NGEF: variants seen among roughly 807,000 people sequenced by gnomAD.
NGEF encodes ephexin-1.
In NGEF, 31 loss-of-function variants were observed where a neutral mutation model predicts 80.9. That is an observed-to-expected ratio of 0.38 (90% CI 0.29 to 0.52). The LOEUF (loss-of-function observed/expected upper bound fraction) is 0.52, where lower values mean the gene tolerates loss of function less well. Ranked by LOEUF, NGEF falls within the 20% of genes least tolerant of loss-of-function variation. The pLI, the probability that NGEF is intolerant of heterozygous loss-of-function variation, is 0.84. For synonymous variants in NGEF, 371 were observed against 370.2 expected (o/e 1.00, Z -0.03); for missense variants, 709 against 926.2 (o/e 0.77, Z 3.04).
chr2:233,006,007 G>C (rs1695076932), intron 1 of NGEF, among the ~76,000 whole-genome samples: 1 of 152,132 alleles, frequency 6.6e-6, no homozygotes, highest in Admixed American at 6.6e-5. Flanking sequence ...TGTAGAGACG[G>C]GGTTTTGTAG....
chr2:232,888,082 C>T lies in NGEF; in HGVS notation c.1298G>A (p.Arg433Lys), dbSNP rs1574988661. The change falls in exon 9 of 15, where the codon AGG becomes AAG. Residue 433 changes from arginine to lysine, a missense_variant. By Grantham distance (26) the Arg-to-Lys change is conservative. This residue lies in a region of NGEF where 426 missense variants were observed against 622.9 expected (regional missense o/e 0.68). Coordinates refer to ENST00000264051, the MANE Select transcript of NGEF (RefSeq NM_019850.3). ...VQNILKRVEERSERECTALDA... is the reference protein window; with the variant it reads ...VQNILKRVEEKSERECTALDA... ...CAAAGCAGTGCACTCCCGCTCAGACCTCTCTTCTACCCTCTTCAGGATGTT... is the reference window on the plus strand; with the variant it reads ...CAAAGCAGTGCACTCCCGCTCAGACTTCTCTTCTACCCTCTTCAGGATGTT... The T allele has an allele frequency of 6.2e-7, 1 of 1,611,768 alleles. No individual in the cohort carries two copies. The highest frequency in any genetic ancestry group is 2.2e-5 in the East Asian group (1 of 44,862).
chr2:233,004,718 C>G (rs1449857645), intron 1 of NGEF, among the ~76,000 whole-genome samples: 1 of 152,130 alleles, frequency 6.6e-6, no homozygotes, highest in Non-Finnish European at 1.5e-5. Flanking sequence ...ACCTTCCCTC[C>G]CCTTCCCCCT....
chr2:232,883,052 AAC>A (rs57854484), intron 12 of NGEF, among the ~76,000 whole-genome samples: 19,276 of 150,100 alleles, frequency 0.13, 1,504 homozygotes, highest in African/African-American at 0.22. Flanking sequence ...GCCCCAAGGG[AAC>A]ACACACACAC....
intron 1 of NGEF, among the ~76,000 whole-genome samples, chr2:233,006,803 G>A (rs150515851): frequency 1.3e-5 from 2 of 152,290 alleles, no homozygotes; most frequent in Admixed American, 1.3e-4. Flanking sequence ...AGGACATGGA[G>A]CATGGTGGGT....
intron 3 of NGEF, among the ~76,000 whole-genome samples, chr2:232,935,876 T>C (rs1417783889): frequency 6.6e-6 from 1 of 152,200 alleles, no homozygotes; most frequent in Non-Finnish European, 1.5e-5. Flanking sequence ...CAAATATATA[T>C]AGGAAATGTG....
At chr2:232,947,528 C>A (rs1471517833) in intron 3 of NGEF, among the ~76,000 whole-genome samples, 3 of 152,160 alleles carry the variant, frequency 2.0e-5, no homozygotes, top group Admixed American at 1.3e-4. Context: ...TTCACGAGAT[C>A]TGGTGATTTT....
At chr2:232,879,899 G>A (rs1412336032) in intron 14 of NGEF, among the ~76,000 whole-genome samples, 1 of 152,230 alleles carries the variant, frequency 6.6e-6, no homozygotes, top group African/African-American at 2.4e-5. Flanking sequence ...AACAAGGCCT[G>A]CTCCGTGCCA....
At chr2:232,999,279 A>C (rs1484299540) in intron 1 of NGEF, among the ~76,000 whole-genome samples, 1 of 152,206 alleles carries the variant, frequency 6.6e-6, no homozygotes, top group African/African-American at 2.4e-5. Context: ...TGTATAAAGA[A>C]TCAACGGTTG....
intron 3 of NGEF, 118 bp downstream of exon 3, chr2:232,970,096 A>T (rs113984112): frequency 2.1e-6 from 1 of 481,606 alleles, no homozygotes; most frequent in Non-Finnish European, 3.6e-6. Context: ...ACGGGCAACC[A>T]AAAGTTATTA....
chr2:232,943,298 G>A (rs1693476815), intron 3 of NGEF, among the ~76,000 whole-genome samples: 1 of 151,952 alleles, frequency 6.6e-6, no homozygotes, highest in African/African-American at 2.4e-5. Flanking sequence ...AGAAGTGATA[G>A]ATTCTTACCA....
At chr2:232,916,872 C>T (rs976274158) in intron 5 of NGEF, among the ~76,000 whole-genome samples, 6 of 152,216 alleles carry the variant, frequency 3.9e-5, no homozygotes, top group Non-Finnish European at 4.4e-5. Flanking sequence ...CAGAGATGTT[C>T]GCACACACAA....
intron 5 of NGEF, among the ~76,000 whole-genome samples, chr2:232,909,202 C>T (rs1692641721): frequency 6.6e-6 from 1 of 152,072 alleles, no homozygotes; most frequent in Non-Finnish European, 1.5e-5. Context: ...TTGAAATTTT[C>T]TTTATAAATC....
At chr2:232,929,911 T>C (rs556423513) in intron 3 of NGEF, among the ~76,000 whole-genome samples, 1 of 152,290 alleles carries the variant, frequency 6.6e-6, no homozygotes, top group African/African-American at 2.4e-5. Context: ...GTTCTCCTGG[T>C]AGTGAATAAG....
At chr2:232,941,937 T>TCCCTTTTCCAGAAATTC (rs140762487) in intron 3 of NGEF, among the ~76,000 whole-genome samples, 12,729 of 151,992 alleles carry the variant, frequency 0.084, 925 homozygotes, top group East Asian at 0.25. Flanking sequence ...ATAAAAATAG[T>TCCCTTTTCCAGAAATTC]CCCTTTTCCA....
At chr2:232,919,739 A>G (rs745545705) in intron 5 of NGEF, among the ~76,000 whole-genome samples, 4 of 152,202 alleles carry the variant, frequency 2.6e-5, no homozygotes, top group Admixed American at 6.5e-5. Context: ...CACCTGAACC[A>G]TCAAATGAAG....
At chr2:232,907,341 A>G (rs536963544) in intron 5 of NGEF, among the ~76,000 whole-genome samples, 13 of 152,318 alleles carry the variant, frequency 8.5e-5, no homozygotes, top group African/African-American at 3.1e-4. Flanking sequence ...TTTTGTAGCT[A>G]AAGAAAAAGA....
chr2:232,989,864 T>C (rs1248054248), intron 1 of NGEF, among the ~76,000 whole-genome samples: 1 of 152,204 alleles, frequency 6.6e-6, no homozygotes, highest in Non-Finnish European at 1.5e-5. Context: ...TAATACAATA[T>C]AGCACATTTG....
rs560808408 is a variant in NGEF, at chr2:232,897,669, C to G, written c.829-2753G>C. Among the ~76,000 whole-genome samples, 182 of 152,322 alleles carry G rather than the reference C, an allele frequency of 1.2e-3. 1 individual carries two copies. Among genetic ancestry groups the G allele is most frequent in the African/African-American group, 4.1e-3 (171 of 41,556 alleles). On this transcript the variant is annotated intron_variant, in intron 5 of 14. Transcript: ENST00000264051. ...AGGGCCAGCGGCCAACTGCAGACCC[C>G]GAACCACCATCAGTAGCCAGGGCCC...
chr2:232,978,302 C>T (rs1261399482), intron 1 of NGEF, among the ~76,000 whole-genome samples: 1 of 151,876 alleles, frequency 6.6e-6, no homozygotes, highest in Admixed American at 6.6e-5. Context: ...CATTTGAGGT[C>T]AGGAGTTCAA....
Sources: gnomAD v4.1 joint callset for allele counts (sites outside exome capture counted in the v4.1 genomes callset) on GRCh38, gnomAD v4.1.1 for gene constraint, gnomAD v4.1.1 regional missense constraint, MANE v1.5 for transcripts, NCBI Gene and HGNC (gene_info 2026-07-23, HGNC 2026-07-21) for gene names.